Variants in PAG1 observed in about 807,000 individuals in gnomAD.
The protein encoded by PAG1 is phosphoprotein associated with glycosphingolipid-enriched microdomains 1.
In PAG1, 23 loss-of-function variants were observed where a neutral mutation model predicts 31.7. That is an observed-to-expected ratio of 0.73 (90% CI 0.52 to 1.03). PAG1 has a LOEUF of 1.03. Among genes scored for constraint, PAG1 ranks in the 50% least tolerant of loss-of-function variants. The pLI is 0.00. For missense variants in PAG1, 473 were observed against 540.7 expected (o/e 0.87, Z 1.24); for synonymous variants, 214 against 210.3 (o/e 1.02, Z -0.15).
At chr8:81,068,330 A>G (rs1387017060) in intron 2 of PAG1, among the ~76,000 whole-genome samples, 2 of 152,372 alleles carry the variant, frequency 1.3e-5, no homozygotes, top group African/African-American at 2.4e-5. Context: ...TTAAAACATC[A>G]TAAAGTCGCT....
chr8:81,042,649 AG>A (rs1420720432), intron 2 of PAG1, among the ~76,000 whole-genome samples: 1 of 152,034 alleles, frequency 6.6e-6, no homozygotes, highest in Non-Finnish European at 1.5e-5. Flanking sequence ...TAAAAGAGAA[AG>A]GGGGGTGAGG....
chr8:81,046,107 C>T (rs1808637753), intron 2 of PAG1, among the ~76,000 whole-genome samples: 1 of 152,196 alleles, frequency 6.6e-6, no homozygotes, highest in South Asian at 2.1e-4. Flanking sequence ...TTCCAAAGCC[C>T]TCATTTTACA....
At chr8:81,092,425 A>G (rs1809463758) in intron 1 of PAG1, among the ~76,000 whole-genome samples, 1 of 152,152 alleles carries the variant, frequency 6.6e-6, no homozygotes, top group South Asian at 2.1e-4. Context: ...TGACAATATC[A>G]TTTCCTATAA....
chr8:81,018,203 CACATA>C (rs1808104035), intron 3 of PAG1, among the ~76,000 whole-genome samples: 1 of 152,106 alleles, frequency 6.6e-6, no homozygotes, highest in South Asian at 2.1e-4. Flanking sequence ...AATTAAATAC[CACATA>C]ACATTATTGA....
At chr8:81,050,194 T>A (rs1808705103) in intron 2 of PAG1, among the ~76,000 whole-genome samples, 2 of 152,214 alleles carry the variant, frequency 1.3e-5, no homozygotes. Flanking sequence ...CAAAACAGAA[T>A]GATAGTGTTG....
rs888315824 is a variant in PAG1 at position 80,969,301 on chromosome 8, T to C, written c.*7243A>G. ...CCACATCAGGTTCATTTATGAGTCT[T>C]ATATTAAAAATACATAGAAGCTTGT... is the stretch of plus-strand genomic sequence containing the variant. On this transcript the variant is annotated 3_prime_UTR_variant, in exon 9 of 9. Transcript: ENST00000220597. The C allele has an allele frequency of 2.0e-5, 3 of 152,200 alleles. No individual in the cohort carries two copies. Among genetic ancestry groups the C allele is most frequent in the African/African-American group, 7.2e-5 (3 of 41,452 alleles). The allele number at this position is 152,200 out of a possible 1,614,324, so 9.4% of individuals were successfully genotyped here. A position where few individuals can be genotyped will look rare whatever the true frequency, so the allele number is the denominator to read the frequency against.
At chr8:81,041,380 A>G (rs1039107726) in intron 2 of PAG1, among the ~76,000 whole-genome samples, 2 of 152,214 alleles carry the variant, frequency 1.3e-5, no homozygotes, top group Non-Finnish European at 2.9e-5. Context: ...GCCATTTACC[A>G]GATCTTCATG....
rs112676321 is a variant in PAG1 at position 80,972,940 on chromosome 8, C to CGTGTGTGTGTGTGTGTGTGTGT, written c.*3582_*3603dup. On this transcript the variant is annotated 3_prime_UTR_variant, in exon 9 of 9. Coordinates refer to ENST00000220597, the MANE Select transcript of PAG1 (RefSeq NM_018440.4). Reference sequence around the variant, plus strand: ...AAGTATATACACACACACACGTATACGTGTGTGTGTGTGTGTGTGTGTGTG... The same window carrying CGTGTGTGTGTGTGTGTGTGTGT: ...AAGTATATACACACACACACGTATACGTGTGTGTGTGTGTGTGTGTGTGTGTGTGTGTGTGTGTGTGTGTGTG... The CGTGTGTGTGTGTGTGTGTGTGT allele has an allele frequency of 2.7e-5, 4 of 146,296 alleles. No individual in the cohort carries two copies. Among genetic ancestry groups the CGTGTGTGTGTGTGTGTGTGTGT allele is most frequent in the Non-Finnish European group, 6.1e-5 (4 of 65,996 alleles). The allele number at this position is 146,296 out of a possible 1,614,324, so 9.1% of individuals were successfully genotyped here. A position where few individuals can be genotyped will look rare whatever the true frequency, so the allele number is the denominator to read the frequency against.
Position 81,085,972 on chromosome 8 carries a change from G to GTTTTTTTTTTTTTTTTTT in PAG1, c.-233-15820_-233-15803dup, listed in dbSNP as rs869177030. Among the ~76,000 whole-genome samples, 6 of 58,906 alleles carry GTTTTTTTTTTTTTTTTTT rather than the reference G, an allele frequency of 1.0e-4. 2 individuals are homozygous for GTTTTTTTTTTTTTTTTTT. The highest frequency in any genetic ancestry group is 4.4e-4 in the African/African-American group (6 of 13,784). 38.6% of individuals were successfully genotyped at this position (58,906 alleles called of 152,430 possible). A position where few individuals can be genotyped will look rare whatever the true frequency, so the allele number is the denominator to read the frequency against. ...AGTAGTTACGCTTTTAATCTGGCTTGTTTTTTTTTTTTTTTTTTTTTTTTT... is the reference window on the plus strand; with the variant it reads ...AGTAGTTACGCTTTTAATCTGGCTTGTTTTTTTTTTTTTTTTTTTTTTTTTTTTTTTTTTTTTTTTTTT... On this transcript the variant is annotated intron_variant, in intron 1 of 8. Coordinates refer to ENST00000220597, the MANE Select transcript of PAG1 (RefSeq NM_018440.4).
intron 1 of PAG1, among the ~76,000 whole-genome samples, chr8:81,091,980 A>G (rs1261055290): frequency 6.8e-6 from 1 of 148,110 alleles, no homozygotes; most frequent in Admixed American, 6.8e-5. Flanking sequence ...AGCCTCAGCA[A>G]CACAGCAAGA....
rs1809072814 is a variant in PAG1 at position 81,070,370 on chromosome 8, C to A, written c.-233-200G>T. The stretch of plus-strand genomic sequence containing the variant: ...AATGTTAAAAAGCAAAAGCTAAAAC[C>A]TGCTCTTAAAACATCCAGACCTAAA... On this transcript the variant is annotated intron_variant, in intron 1 of 8. Coordinates refer to ENST00000220597, the MANE Select transcript of PAG1 (RefSeq NM_018440.4). Among the ~76,000 whole-genome samples, 3 of 152,126 alleles carry A rather than the reference C, an allele frequency of 2.0e-5. No homozygotes were observed. In the South Asian group the frequency reaches 6.2e-4, roughly 31 times the overall value.
intron 3 of PAG1, among the ~76,000 whole-genome samples, chr8:81,014,434 G>A (rs1420473366): frequency 6.6e-6 from 1 of 152,230 alleles, no homozygotes; most frequent in Non-Finnish European, 1.5e-5. Flanking sequence ...AGCCTTTCCA[G>A]AAAGTGACCC....
intron 2 of PAG1, 48 bp from the exon 3 acceptor site, chr8:81,030,137 C>T (rs1233590866): frequency 6.6e-6 from 1 of 152,234 alleles, no homozygotes; most frequent in Non-Finnish European, 1.5e-5. Flanking sequence ...GATGGATATA[C>T]ACTGTGAAAG....
chr8:81,100,489 C>A (rs569097365), intron 1 of PAG1, among the ~76,000 whole-genome samples: 23 of 152,342 alleles, frequency 1.5e-4, no homozygotes, highest in African/African-American at 5.1e-4. Flanking sequence ...ATAGCAGCAT[C>A]CCTGGCCTCT....
intron 1 of PAG1, among the ~76,000 whole-genome samples, chr8:81,085,107 G>A (rs560740480): frequency 6.6e-5 from 10 of 152,206 alleles, no homozygotes; most frequent in South Asian, 6.2e-4. Context: ...GCCTTTACTT[G>A]GAATAGTTCT....
intron 3 of PAG1, among the ~76,000 whole-genome samples, chr8:81,018,243 T>C (rs939736657): frequency 6.6e-6 from 1 of 152,272 alleles, no homozygotes; most frequent in Non-Finnish European, 1.5e-5. Context: ...AAATTCAAGC[T>C]AAATTGCATT....
At chr8:81,056,977 C>G (rs997805220) in intron 2 of PAG1, among the ~76,000 whole-genome samples, 6 of 152,216 alleles carry the variant, frequency 3.9e-5, no homozygotes, top group Non-Finnish European at 7.3e-5. Context: ...AAGTGCTCAT[C>G]ATCACTGGCC....
chr8:80,995,545 A>G (rs1336235665), intron 3 of PAG1, among the ~76,000 whole-genome samples: 1 of 152,260 alleles, frequency 6.6e-6, no homozygotes, highest in African/African-American at 2.4e-5. Flanking sequence ...ATGACCAATG[A>G]AAATATATAA....
chr8:81,035,223 A>T (rs1808443612), intron 2 of PAG1, among the ~76,000 whole-genome samples: 1 of 152,186 alleles, frequency 6.6e-6, no homozygotes, highest in African/African-American at 2.4e-5. Flanking sequence ...GTTCTCAAGA[A>T]GATCACCTGG....
Sources: allele counts gnomAD v4.1 joint callset (sites outside exome capture counted in the v4.1 genomes callset), GRCh38; gene constraint gnomAD v4.1.1; transcripts MANE v1.5; gene names NCBI Gene and HGNC (gene_info 2026-07-23, HGNC 2026-07-21).